CNTN6: variants seen among roughly 807,000 people sequenced by gnomAD.
CNTN6 encodes the protein contactin 6, also known as contactin-6.
CNTN6 carries 137 observed loss-of-function variants against 122.8 expected under a neutral mutation model. That is an observed-to-expected ratio of 1.12 (90% CI 0.97 to 1.29). The LOEUF is 1.29. CNTN6 is among the 50% of genes most tolerant of loss of function. CNTN6 has a pLI of 0.00. For synonymous variants in CNTN6, 570 were observed against 426.0 expected (o/e 1.34, Z -4.16); for missense variants, 1,634 against 1,223.4 (o/e 1.34, Z -5.01).
chr3:1,341,176 T>C (rs753880067), intron 11 of CNTN6, among the ~76,000 whole-genome samples: 3 of 149,116 alleles, frequency 2.0e-5, no homozygotes, highest in Non-Finnish European at 4.5e-5. Flanking sequence ...TTTGGGAGCA[T>C]AGTTTGTTGG....
chr3:1,269,469 C>G (rs1485951083), intron 4 of CNTN6, among the ~76,000 whole-genome samples: 1 of 152,158 alleles, frequency 6.6e-6, no homozygotes, highest in Non-Finnish European at 1.5e-5. Context: ...TAATTGTGTT[C>G]TGTTTCTCTC....
chr3:1,242,376 A>G (rs1231014460), intron 4 of CNTN6, among the ~76,000 whole-genome samples: 4 of 152,068 alleles, frequency 2.6e-5, no homozygotes, highest in South Asian at 4.2e-4. Flanking sequence ...GTGGATGGCA[A>G]AACAATTTGG....
At chr3:1,268,624 AT>A (rs2094969142) in intron 4 of CNTN6, among the ~76,000 whole-genome samples, 3 of 148,330 alleles carry the variant, frequency 2.0e-5, no homozygotes, top group African/African-American at 7.7e-5. Context: ...AAAAAAAAAA[AT>A]ACAGTGTGAT....
intron 11 of CNTN6, among the ~76,000 whole-genome samples, chr3:1,346,265 C>G (rs1704679261): frequency 6.6e-6 from 1 of 152,112 alleles, no homozygotes; most frequent in South Asian, 2.1e-4. Flanking sequence ...TCATACAATG[C>G]AGGTGCTATC....
intron 1 of CNTN6, among the ~76,000 whole-genome samples, chr3:1,108,913 G>A (rs73103493): frequency 0.056 from 8,442 of 151,992 alleles, 784 homozygotes; most frequent in African/African-American, 0.19. Flanking sequence ...GACACTTTAA[G>A]AGAACATAAT....
chr3:1,284,471 C>T (rs762285968), intron 5 of CNTN6, among the ~76,000 whole-genome samples: 1 of 152,022 alleles, frequency 6.6e-6, no homozygotes, highest in Non-Finnish European at 1.5e-5. Context: ...CCAATAGTTG[C>T]CTCTTGGTAT....
At chr3:1,102,972 T>C (rs1388813795) in intron 1 of CNTN6, among the ~76,000 whole-genome samples, 2 of 147,490 alleles carry the variant, frequency 1.4e-5, no homozygotes, top group South Asian at 4.2e-4. Context: ...CCGGGCGTGG[T>C]GGCGGCGCCT....
chr3:1,359,425 G>C (rs1197636406), intron 12 of CNTN6, among the ~76,000 whole-genome samples: 1 of 152,000 alleles, frequency 6.6e-6, no homozygotes, highest in Admixed American at 6.6e-5. Flanking sequence ...GCTTTCTCTA[G>C]ACTGGTTTTT....
At chr3:1,129,606 A>G (rs1365080025) in intron 1 of CNTN6, among the ~76,000 whole-genome samples, 1 of 152,116 alleles carries the variant, frequency 6.6e-6, no homozygotes, top group Non-Finnish European at 1.5e-5. Context: ...AAACATAAAT[A>G]TGAATGTGCA....
intron 1 of CNTN6, among the ~76,000 whole-genome samples, chr3:1,121,872 T>C (rs2125063225): frequency 6.6e-6 from 1 of 152,034 alleles, no homozygotes; most frequent in Non-Finnish European, 1.5e-5. Context: ...TTTTCCTTCT[T>C]TGTATAATTT....
At chr3:1,375,936 G>A (rs1018313407) in intron 16 of CNTN6, among the ~76,000 whole-genome samples, 6 of 151,930 alleles carry the variant, frequency 3.9e-5, no homozygotes, top group African/African-American at 1.4e-4. Flanking sequence ...TATTTAGGTG[G>A]TCTATATGGT....
intron 2 of CNTN6, among the ~76,000 whole-genome samples, chr3:1,179,616 C>G (rs1430244389): frequency 6.6e-6 from 1 of 152,140 alleles, no homozygotes; most frequent in Non-Finnish European, 1.5e-5. Flanking sequence ...CCCTAAGACA[C>G]TTCCTCCTGC....
intron 4 of CNTN6, among the ~76,000 whole-genome samples, chr3:1,254,797 C>T (rs939537006): frequency 6.6e-6 from 1 of 152,050 alleles, no homozygotes; most frequent in African/African-American, 2.4e-5. Context: ...AATTAGTTAT[C>T]TGTTAGAGTT....
At chr3:1,133,560 A>C (rs563312202) in intron 1 of CNTN6, among the ~76,000 whole-genome samples, 6 of 152,324 alleles carry the variant, frequency 3.9e-5, no homozygotes, top group Middle Eastern at 3.4e-3. Context: ...AGATTTAAAC[A>C]CTGGCAGCCT....
At chr3:1,299,251 A>G (rs370797268) in intron 7 of CNTN6, among the ~76,000 whole-genome samples, 9 of 152,270 alleles carry the variant, frequency 5.9e-5, no homozygotes, top group African/African-American at 1.9e-4. Context: ...TTTAAGACAT[A>G]ATGAACTTTC....
intron 4 of CNTN6, among the ~76,000 whole-genome samples, chr3:1,272,471 TGAAA>T (rs1366826878): frequency 2.6e-5 from 4 of 152,060 alleles, no homozygotes; most frequent in Non-Finnish European, 5.9e-5. Context: ...TATTAAAAAA[TGAAA>T]GAACAAAGAA....
intron 7 of CNTN6, among the ~76,000 whole-genome samples, chr3:1,315,950 A>C (rs922454815): frequency 2.6e-5 from 4 of 152,020 alleles, no homozygotes; most frequent in African/African-American, 7.2e-5. Context: ...AGTTTGTATC[A>C]AATGCGTAGT....
chr3:1,191,562 T>A (rs1242987698), intron 2 of CNTN6, among the ~76,000 whole-genome samples: 1 of 152,206 alleles, frequency 6.6e-6, no homozygotes, highest in Non-Finnish European at 1.5e-5. Context: ...TTCAGCCAGC[T>A]GTTTATTCGT....
intron 12 of CNTN6, among the ~76,000 whole-genome samples, chr3:1,356,984 G>A (rs1327914682): frequency 6.6e-6 from 1 of 151,824 alleles, no homozygotes; most frequent in Non-Finnish European, 1.5e-5. Flanking sequence ...TAAGATCAAT[G>A]TTGTCTTGGT....
Sources: allele counts gnomAD v4.1 joint callset (sites outside exome capture counted in the v4.1 genomes callset), GRCh38; gene constraint gnomAD v4.1.1; transcripts MANE v1.5; gene names NCBI Gene and HGNC (gene_info 2026-07-23, HGNC 2026-07-21).